Variants in NRG3 observed in about 807,000 individuals in gnomAD.
NRG3 encodes the protein pro-neuregulin-3, membrane-bound isoform.
In NRG3, 31 loss-of-function variants were observed where a neutral mutation model predicts 66.9. That is an observed-to-expected ratio of 0.46 (90% CI 0.35 to 0.63). NRG3 has a LOEUF of 0.63. NRG3 is among the 20% of genes least tolerant of loss of function. The probability of loss-of-function intolerance (pLI) is 0.00; values close to 1 mark genes in which losing one functional copy is unlikely to be tolerated. For synonymous variants in NRG3, 393 were observed against 359.4 expected (o/e 1.09, Z -1.06); for missense variants, 910 against 878.9 (o/e 1.04, Z -0.45).
intron 2 of NRG3, among the ~76,000 whole-genome samples, chr10:82,529,099 C>T (rs1425617990): frequency 6.6e-6 from 1 of 152,304 alleles, no homozygotes; most frequent in Admixed American, 6.5e-5. Context: ...GCTTAGAAGT[C>T]GCACATCTTT....
chr10:82,657,270 A>T (rs1186007981), intron 2 of NRG3, among the ~76,000 whole-genome samples: 1 of 152,116 alleles, frequency 6.6e-6, no homozygotes, highest in Non-Finnish European at 1.5e-5. Flanking sequence ...CAGCTCCATC[A>T]GGTAAGGGGT....
chr10:82,286,232 G>C (rs1226248082), intron 1 of NRG3, among the ~76,000 whole-genome samples: 2 of 152,144 alleles, frequency 1.3e-5, no homozygotes, highest in Non-Finnish European at 2.9e-5. Flanking sequence ...TATCCTGAGG[G>C]ACCTGAGTTT....
intron 1 of NRG3, among the ~76,000 whole-genome samples, chr10:82,254,798 A>G (rs888971788): frequency 3.3e-5 from 5 of 152,222 alleles, no homozygotes; most frequent in Admixed American, 3.3e-4. Context: ...GTAGTTTTGT[A>G]TTATAACTGA....
At chr10:82,017,610 G>GACTTTTTA (rs2132701944) in intron 1 of NRG3, among the ~76,000 whole-genome samples, 1 of 152,122 alleles carries the variant, frequency 6.6e-6, no homozygotes, top group African/African-American at 2.4e-5. Context: ...GTTGTTTCCT[G>GACTTTTTA]ACTTTTTAAT....
chr10:82,457,727 G>A (rs903610675), intron 2 of NRG3, among the ~76,000 whole-genome samples: 2 of 152,172 alleles, frequency 1.3e-5, no homozygotes, highest in Non-Finnish European at 2.9e-5. Context: ...TGGGAGCACA[G>A]AAGATCCCCT....
chr10:82,359,414 T>C (rs888069503), intron 2 of NRG3, among the ~76,000 whole-genome samples: 1 of 152,196 alleles, frequency 6.6e-6, no homozygotes, highest in African/African-American at 2.4e-5. Flanking sequence ...CAGCAAGAAG[T>C]TGTAAATGAA....
chr10:82,347,806 C>G (rs913122748), intron 1 of NRG3, among the ~76,000 whole-genome samples: 1 of 152,050 alleles, frequency 6.6e-6, no homozygotes, highest in Non-Finnish European at 1.5e-5. Flanking sequence ...GAATTGATCC[C>G]TTTACCATTA....
chr10:82,865,519 G>T (rs1840628654), intron 4 of NRG3, 82 bp downstream of exon 4: 4 of 1,381,444 alleles, frequency 2.9e-6, no homozygotes, highest in Admixed American at 2.0e-5. Flanking sequence ...TCTCCATCTG[G>T]TTATAATTGA....
intron 2 of NRG3, among the ~76,000 whole-genome samples, chr10:82,404,309 C>T (rs112742268): frequency 1.3e-5 from 2 of 152,118 alleles, no homozygotes; most frequent in African/African-American, 2.4e-5. Context: ...TGTGCCACCC[C>T]AAGACGACCT....
chr10:82,520,670 A>G (rs926079706), intron 2 of NRG3, among the ~76,000 whole-genome samples: 2 of 152,182 alleles, frequency 1.3e-5, no homozygotes. Context: ...GATGAAGACA[A>G]TGCAGGAAGA....
intron 2 of NRG3, among the ~76,000 whole-genome samples, chr10:82,415,150 G>T (rs945110250): frequency 1.1e-4 from 16 of 152,154 alleles, no homozygotes; most frequent in African/African-American, 3.9e-4. Flanking sequence ...ATAATGAGTT[G>T]CAGATACTGC....
chr10:82,856,755 A>AC (rs1564571407), intron 3 of NRG3, among the ~76,000 whole-genome samples: 3 of 121,726 alleles, frequency 2.5e-5, no homozygotes, highest in African/African-American at 9.1e-5. Flanking sequence ...AAAAAAAAAA[A>AC]CAAAAAAAAA....
chr10:82,463,995 T>C (rs2091642354), intron 2 of NRG3, among the ~76,000 whole-genome samples: 1 of 152,184 alleles, frequency 6.6e-6, no homozygotes, highest in Admixed American at 6.5e-5. Flanking sequence ...TTTATGCCTG[T>C]TGTGTGATTT....
intron 2 of NRG3, among the ~76,000 whole-genome samples, chr10:82,378,396 T>C (rs1471545004): frequency 6.6e-6 from 1 of 152,196 alleles, no homozygotes; most frequent in Non-Finnish European, 1.5e-5. Context: ...ACTGATTCAC[T>C]TTCACCATGT....
chr10:82,246,650 T>G lies in NRG3; in HGVS notation c.824-112089T>G, dbSNP rs965678396. Among the ~76,000 whole-genome samples, 10 of 152,172 alleles carry G rather than the reference T, an allele frequency of 6.6e-5. No homozygotes were observed. In the East Asian group the frequency reaches 1.2e-3, roughly 18 times the overall value. ...GTTTGACCAAAAGAGGGGTTAAATA[T>G]GTCTAAGAGGTCAAACACAGAGCAG... On this transcript the variant is annotated intron_variant, in intron 1 of 8. Coordinates refer to ENST00000372141, the MANE Select transcript of NRG3 (RefSeq NM_001010848.4).
At chr10:81,955,789 TGCTGATGATACCAAAATATGTTTCTCA>T (rs1315694201) in intron 1 of NRG3, among the ~76,000 whole-genome samples, 1 of 152,186 alleles carries the variant, frequency 6.6e-6, no homozygotes, top group Non-Finnish European at 1.5e-5. Flanking sequence ...ATATTCTCCA[TGCTGATGATACCAAAATATGTTTCTCA>T]GACTCTGACT....
chr10:81,904,047 T>C (rs1209796446), intron 1 of NRG3, among the ~76,000 whole-genome samples: 4 of 151,378 alleles, frequency 2.6e-5, no homozygotes, highest in Non-Finnish European at 4.4e-5. Flanking sequence ...TTCACTCTTG[T>C]CACCCAGGCT....
chr10:81,930,062 G>A (rs977386071), intron 1 of NRG3, among the ~76,000 whole-genome samples: 2 of 152,114 alleles, frequency 1.3e-5, no homozygotes, highest in South Asian at 2.1e-4. Context: ...CTGCCTTGGA[G>A]CACTTAGAGG....
chr10:82,921,862 C>T (rs1453779293), intron 4 of NRG3, among the ~76,000 whole-genome samples: 1 of 152,034 alleles, frequency 6.6e-6, no homozygotes, highest in Non-Finnish European at 1.5e-5. Flanking sequence ...ATTTTGAATG[C>T]TGATGATGTA....
Sources: gnomAD v4.1 joint callset for allele counts (sites outside exome capture counted in the v4.1 genomes callset) on GRCh38, gnomAD v4.1.1 for gene constraint, MANE v1.5 for transcripts, NCBI Gene and HGNC (gene_info 2026-07-23, HGNC 2026-07-21) for gene names.